CDH1: variants seen among roughly 807,000 people sequenced by gnomAD.
The protein encoded by CDH1 is cadherin 1, also known as cadherin-1.
A neutral mutation model predicts 84.5 loss-of-function variants in CDH1; 35 were observed. That is an observed-to-expected ratio of 0.41 (90% CI 0.32 to 0.55). The LOEUF is 0.55. CDH1 is among the 20% of genes least tolerant of loss of function. The pLI is 0.19. For synonymous variants in CDH1, 417 were observed against 439.0 expected (o/e 0.95, Z 0.63); for missense variants, 994 against 1,126.6 (o/e 0.88, Z 1.68).
Position 68,767,652 on chromosome 16 carries a change from T to C in CDH1, c.163+29241T>C, listed in dbSNP as rs537188975. Among the ~76,000 whole-genome samples the C allele has an allele frequency of 4.6e-5, 7 of 152,354 alleles. No individual in the cohort carries two copies. In the East Asian group the frequency reaches 1.2e-3, roughly 25 times the overall value. ...TCTTGGTCTTTTGTTGTTATTGTTG[T>C]TTGTTTGTTTTTTTATTTACTTTGT... On this transcript the variant is annotated intron_variant, in intron 2 of 15. Transcript: ENST00000261769.
In CDH1 at chr16:68,834,834, A is replaced by G. The variant is rs938628537; in HGVS notation, c.*1335A>G. The G allele has an allele frequency of 4.3e-6, 1 of 232,540 alleles. No individual in the cohort carries two copies. The highest frequency in any genetic ancestry group is 2.2e-5 in the African/African-American group (1 of 45,278). 14.4% of individuals were successfully genotyped at this position (232,540 alleles called of 1,614,324 possible). On this transcript the variant is annotated 3_prime_UTR_variant, in exon 16 of 16. Transcript: ENST00000261769. ...TGCCTAAAGTGCTGCAGCCAAAGAC[A>G]GAGCGGAACTATGAAAAGTGGGCTT...
At chr16:68,827,616 C>A (rs35817269) in intron 13 of CDH1, among the ~76,000 whole-genome samples, 1 of 152,202 alleles carries the variant, frequency 6.6e-6, no homozygotes, top group African/African-American at 2.4e-5. Flanking sequence ...TGTCCCACTC[C>A]CCATAGCTGG....
chr16:68,753,079 G>A (rs528908337), intron 2 of CDH1, among the ~76,000 whole-genome samples: 4 of 151,970 alleles, frequency 2.6e-5, no homozygotes, highest in East Asian at 2.0e-4. Context: ...CAGGCGTGGT[G>A]GCTCACGCCT....
chr16:68,833,627 C>T lies in CDH1; in HGVS notation c.*128C>T. The T allele has an allele frequency of 2.7e-6, 2 of 740,162 alleles. No individual in the cohort carries two copies. Among genetic ancestry groups the T allele is most frequent in the East Asian group, 2.6e-5 (1 of 38,416 alleles). 45.8% of individuals were successfully genotyped at this position (740,162 alleles called of 1,614,324 possible). Reference sequence around the variant, plus strand: ...AAAAAAAAGAGACTGGTTAGTGATGCAGTTAGTATAGCTTTATACTCTCTC... The same window carrying T: ...AAAAAAAAGAGACTGGTTAGTGATGTAGTTAGTATAGCTTTATACTCTCTC... On this transcript the variant is annotated 3_prime_UTR_variant, in exon 16 of 16. Coordinates refer to ENST00000261769, the MANE Select transcript of CDH1 (RefSeq NM_004360.5).
At chr16:68,748,758 C>T (rs1962812964) in intron 2 of CDH1, among the ~76,000 whole-genome samples, 1 of 152,250 alleles carries the variant, frequency 6.6e-6, no homozygotes, top group African/African-American at 2.4e-5. Context: ...AGTCGGTTCC[C>T]ACTGTCCCAG....
chr16:68,795,483 A>AT (rs1053661986), intron 2 of CDH1, among the ~76,000 whole-genome samples: 1 of 149,604 alleles, frequency 6.7e-6, no homozygotes, highest in Non-Finnish European at 1.5e-5. Flanking sequence ...TAGTTCTCTG[A>AT]TTTTTTTGTT....
intron 2 of CDH1, chr16:68,763,632 G>A (rs1959287996): frequency 6.6e-6 from 1 of 152,140 alleles, no homozygotes; most frequent in African/African-American, 2.4e-5. Context: ...TCCTTCCCTC[G>A]GCCCTCCTCC....
chr16:68,818,041 C>G (rs1478047551), intron 10 of CDH1, among the ~76,000 whole-genome samples: 1 of 151,922 alleles, frequency 6.6e-6, no homozygotes, highest in East Asian at 1.9e-4. Flanking sequence ...GAGATCGAGA[C>G]TATCCTGGCT....
chr16:68,801,900 T>A lies in CDH1; in HGVS notation c.387+7T>A, dbSNP rs1555514499. 9 of 1,611,648 alleles carry A rather than the reference T, an allele frequency of 5.6e-6. No individual in the cohort carries two copies. The highest frequency in any genetic ancestry group is 6.8e-6 in the Non-Finnish European group (8 of 1,177,832). On this transcript the variant is annotated splice_region_variant and intron_variant, in intron 3 of 15. Coordinates refer to ENST00000261769, the MANE Select transcript of CDH1 (RefSeq NM_004360.5). The stretch of plus-strand genomic sequence containing the variant: ...CCGCCCCCCGCCCCATCAGGTATGT[T>A]GGCATTTTTCTGAGAAGTTCGCTGT...
At chr16:68,818,849 CAA>C (rs758115524) in intron 10 of CDH1, among the ~76,000 whole-genome samples, 4,578 of 72,322 alleles carry the variant, frequency 0.063, 114 homozygotes, top group African/African-American at 0.13. Flanking sequence ...GACTCCGTCT[CAA>C]AAAAAAAAAA....
At chr16:68,819,640 C>G (rs1013128166) in intron 11 of CDH1, among the ~76,000 whole-genome samples, 2 of 152,104 alleles carry the variant, frequency 1.3e-5, no homozygotes, top group Non-Finnish European at 2.9e-5. Context: ...ATCCGTCACC[C>G]AAATAACATG....
chr16:68,745,807 C>T lies in CDH1; in HGVS notation c.163+7396C>T, dbSNP rs568151310. Among the ~76,000 whole-genome samples, 5 of 151,650 alleles carry T rather than the reference C, an allele frequency of 3.3e-5. No individual in the cohort carries two copies. The East Asian group carries it at 7.8e-4, about 24-fold the overall frequency. Reference sequence around the variant, plus strand: ...CAATCTCCAAGGGTGGAGATCTGAACTTGACATTTACTTACTTATTTATTT... The same window carrying T: ...CAATCTCCAAGGGTGGAGATCTGAATTTGACATTTACTTACTTATTTATTT... On this transcript the variant is annotated intron_variant, in intron 2 of 15. Coordinates refer to ENST00000261769, the MANE Select transcript of CDH1 (RefSeq NM_004360.5).
At chr16:68,806,120 G>GTTTGTT (rs201566140) in intron 3 of CDH1, among the ~76,000 whole-genome samples, 56 of 123,964 alleles carry the variant, frequency 4.5e-4, no homozygotes, top group South Asian at 2.0e-3. Flanking sequence ...GCTAATTTTT[G>GTTTGTT]TATATTTATT....
At chr16:68,739,122 AC>A (rs1962490028) in intron 2 of CDH1, among the ~76,000 whole-genome samples, 1 of 150,202 alleles carries the variant, frequency 6.7e-6, no homozygotes, top group African/African-American at 2.4e-5. Context: ...GATAATTTTA[AC>A]TTTTTTTTAG....
At chr16:68,795,205 G>T (rs1379081063) in intron 2 of CDH1, among the ~76,000 whole-genome samples, 6 of 152,172 alleles carry the variant, frequency 3.9e-5, no homozygotes, top group Non-Finnish European at 8.8e-5. Flanking sequence ...CCTGGAAGGA[G>T]ATCTTATAGG....
chr16:68,789,252 G>A lies in CDH1; in HGVS notation c.164-12418G>A, dbSNP rs7196827. Reference sequence around the variant, plus strand: ...CCATGTTGCCCAGGCTGGTCTTGACGGGACTTGGACTCAAGTGATCCGCCC... The same window carrying A: ...CCATGTTGCCCAGGCTGGTCTTGACAGGACTTGGACTCAAGTGATCCGCCC... On this transcript the variant is annotated intron_variant, in intron 2 of 15. Coordinates refer to ENST00000261769, the MANE Select transcript of CDH1 (RefSeq NM_004360.5). Among the ~76,000 whole-genome samples, 1,006 of 152,030 alleles carry A rather than the reference G, an allele frequency of 6.6e-3. 14 individuals carry two copies. The highest frequency in any genetic ancestry group is 0.022 in the African/African-American group (909 of 41,476).
At position 68,804,693 on chromosome 16, in the gene CDH1, T is replaced by C. The variant is rs1440415815; in HGVS notation, c.387+2800T>C. 2.0e-5 allele frequency among the ~76,000 whole-genome samples: 3 copies of C among 152,124 alleles called. No homozygotes were observed. The East Asian group carries it at 5.8e-4, about 29-fold the overall frequency. ...AGCTGGTTTGAGATTCACCTTGGTT[T>C]GTCTCTATAGTTCAAAGGATCCTTC... On this transcript the variant is annotated intron_variant, in intron 3 of 15. Transcript: ENST00000261769.
At position 68,737,557 on chromosome 16, in the gene CDH1, C is replaced by G. The variant is rs1285444870; in HGVS notation, c.48+94C>G. 16 of 1,089,682 alleles carry G rather than the reference C, an allele frequency of 1.5e-5. No individual in the cohort carries two copies. The Admixed American group carries it at 2.6e-4, about 18-fold the overall frequency. The allele number at this position is 1,089,682 out of a possible 1,614,324, so 67.5% of individuals were successfully genotyped here. A position where few individuals can be genotyped will look rare whatever the true frequency, so the allele number is the denominator to read the frequency against. On this transcript the variant is annotated intron_variant, in intron 1 of 15. Transcript: ENST00000261769. ...CCTTCCTCTCCCGTCGTCACCGCTT[C>G]CCTTCTTCCAAGAAAGTTCGGGTCC...
intron 1 of CDH1, 44 bp from the exon 2 acceptor site, chr16:68,738,253 A>C: frequency 7.7e-7 from 1 of 1,293,218 alleles, no homozygotes; most frequent in Non-Finnish European, 1.1e-6. Context: ...GCAGGAGGGA[A>C]CCCTCCGAGT....
Sources: gnomAD v4.1 joint callset for allele counts (sites outside exome capture counted in the v4.1 genomes callset) on GRCh38, gnomAD v4.1.1 for gene constraint, MANE v1.5 for transcripts, NCBI Gene and HGNC (gene_info 2026-07-23, HGNC 2026-07-21) for gene names.